EVC: variants seen among roughly 807,000 people sequenced by gnomAD.
EVC encodes the protein EvC ciliary complex subunit 1.
A neutral mutation model predicts 118.9 loss-of-function variants in EVC; 116 were observed. The observed-to-expected ratio is 0.98, with a 90% CI of 0.84 to 1.14. The LOEUF is 1.14. EVC is among the 50% of genes most tolerant of loss of function. The pLI, the probability that EVC is intolerant of heterozygous loss-of-function variation, is 0.00. For synonymous variants in EVC, 619 were observed against 534.7 expected, an observed-to-expected ratio of 1.16 and a Z score of -2.18; for missense variants, 1,401 against 1,246.4, an observed-to-expected ratio of 1.12 and a Z score of -1.87.
chr4:5,727,890 C>T (rs374796756), intron 2 of EVC, among the ~76,000 whole-genome samples: 132 of 141,770 alleles, frequency 9.3e-4, no homozygotes, highest in East Asian at 6.8e-3. Context: ...TGTAGATATG[C>T]GGCATTATTT....
intron 17 of EVC, among the ~76,000 whole-genome samples, chr4:5,805,979 A>G (rs34766809): frequency 0.14 from 21,345 of 147,266 alleles, 1,681 homozygotes; most frequent in African/African-American, 0.17. Flanking sequence ...CTTTATTGTA[A>G]CCATCACCCA....
intron 15 of EVC, among the ~76,000 whole-genome samples, chr4:5,800,265 A>C (rs1714727775): frequency 6.6e-6 from 1 of 152,282 alleles, no homozygotes; most frequent in East Asian, 1.9e-4. Context: ...GACTCACTTG[A>C]ATCTGGGAGG....
At chr4:5,766,859 G>A (rs1264198107) in intron 11 of EVC, among the ~76,000 whole-genome samples, 2 of 151,450 alleles carry the variant, frequency 1.3e-5, no homozygotes, top group South Asian at 2.1e-4. Context: ...ATTTCCTCCT[G>A]TAGCTCAGAG....
At chr4:5,748,009 A>G in intron 7 of EVC, 139 bp from the exon 8 acceptor site, 1 of 972,280 alleles carries the variant, frequency 1.0e-6, no homozygotes, top group Non-Finnish European at 1.6e-6. Flanking sequence ...TGTTGCCAAG[A>G]TAAACTCACT....
rs1451658886 is a variant in EVC at position 5,756,788 on chromosome 4, T to G, written c.1563+426T>G. Among the ~76,000 whole-genome samples the G allele has an allele frequency of 6.6e-6, 1 of 152,080 alleles. No individual in the cohort carries two copies. Among genetic ancestry groups the G allele is most frequent in the East Asian group, 1.9e-4 (1 of 5,168 alleles). ...TCCCCTGTGCAACCGTGTGCAGGTC[T>G]GGGGTGGGGAGGTGAAGCTGGCCAT... On this transcript the variant is annotated intron_variant, in intron 11 of 20. Coordinates refer to ENST00000264956, the MANE Select transcript of EVC (RefSeq NM_153717.3). The surrounding 1 kb of genome is among the most constrained non-coding windows in gnomAD (Gnocchi z 4.2).
chr4:5,805,009 G>A (rs1715640584), intron 17 of EVC, among the ~76,000 whole-genome samples, 168 bp downstream of exon 17: 1 of 152,168 alleles, frequency 6.6e-6, no homozygotes, highest in Non-Finnish European at 1.5e-5. Context: ...CCTCCATGCA[G>A]CACCTGGAGT....
At chr4:5,733,504 C>T in intron 5 of EVC, 69 bp downstream of exon 5, 2 of 1,299,728 alleles carry the variant, frequency 1.5e-6, no homozygotes, top group Non-Finnish European at 2.2e-6. Context: ...ACTCTGTGTG[C>T]AGTGAGTCCC....
chr4:5,808,313 G>C lies in EVC; in HGVS notation c.2674G>C (p.Glu892Gln), dbSNP rs773640948. ...GVMDLLEAQLETQLQEAEQNF... is the reference protein window; with the variant it reads ...GVMDLLEAQLQTQLQEAEQNF... ...CATGGACCTTCTGGAAGCCCAGCTGGAGACCCAGCTACAGGTACAAGTTAC... is the reference window on the plus strand; with the variant it reads ...CATGGACCTTCTGGAAGCCCAGCTGCAGACCCAGCTACAGGTACAAGTTAC... The change falls in exon 18 of 21, where the codon GAG becomes CAG. Residue 892 changes from glutamate to glutamine, a missense_variant. Glu to Gln is a conservative substitution (Grantham distance 29). Coordinates refer to ENST00000264956, the MANE Select transcript of EVC (RefSeq NM_153717.3). The C allele has an allele frequency of 6.2e-7, 1 of 1,614,110 alleles. No individual in the cohort carries two copies. Among genetic ancestry groups the C allele is most frequent in the Admixed American group, 1.7e-5 (1 of 59,996 alleles).
intron 13 of EVC, among the ~76,000 whole-genome samples, chr4:5,794,603 G>A (rs978120365): frequency 2.6e-5 from 4 of 151,354 alleles, no homozygotes; most frequent in African/African-American, 9.7e-5. Context: ...TAGAGATGGG[G>A]TTTCACCATG....
intron 4 of EVC, among the ~76,000 whole-genome samples, chr4:5,732,210 C>G (rs1726936538): frequency 6.6e-6 from 1 of 152,230 alleles, no homozygotes; most frequent in South Asian, 2.1e-4. Flanking sequence ...TGACCCAACC[C>G]AGAGCAGGGC....
the EVC span, among the ~76,000 whole-genome samples, chr4:5,820,303 C>A: frequency 6.7e-6 from 1 of 149,714 alleles, no homozygotes; most frequent in Non-Finnish European, 1.5e-5. Flanking sequence ...ATCACCATCA[C>A]CACCATCATT....
chr4:5,824,542 T>A, the EVC span: 1 of 984,372 alleles, frequency 1.0e-6, no homozygotes, highest in Non-Finnish European at 1.2e-6. Context: ...ATATCGCCTT[T>A]CCTGACCAGG....
chr4:5,781,929 A>T (rs1455197520), intron 11 of EVC, among the ~76,000 whole-genome samples: 1 of 152,166 alleles, frequency 6.6e-6, no homozygotes, highest in Non-Finnish European at 1.5e-5. Flanking sequence ...TGAACATGAT[A>T]TGCAGGGAAA....
chr4:5,786,021 C>T (rs752150261), intron 12 of EVC, among the ~76,000 whole-genome samples: 8 of 152,100 alleles, frequency 5.3e-5, no homozygotes, highest in Non-Finnish European at 8.8e-5. Context: ...TGCAGCCAGG[C>T]CCCTAACCTC....
chr4:5,781,979 T>C (rs977270620), intron 11 of EVC, among the ~76,000 whole-genome samples: 1 of 152,166 alleles, frequency 6.6e-6, no homozygotes, highest in Non-Finnish European at 1.5e-5. Flanking sequence ...ACTGCATTCA[T>C]GGGGATGGCT....
chr4:5,802,669 T>G (rs1468085997), intron 16 of EVC, among the ~76,000 whole-genome samples: 1 of 152,166 alleles, frequency 6.6e-6, no homozygotes, highest in Non-Finnish European at 1.5e-5. Flanking sequence ...ATGCACAACC[T>G]AGATCCCTCG....
chr4:5,747,945 C>CT (rs1180467713), intron 7 of EVC: 1 of 617,470 alleles, frequency 1.6e-6, no homozygotes, highest in East Asian at 3.3e-5. Context: ...GCAAAACTGA[C>CT]TGACACTGGA....
At chr4:5,783,445 C>G in intron 11 of EVC, 107 bp from the exon 12 acceptor site, 1 of 1,058,576 alleles carries the variant, frequency 9.4e-7, no homozygotes, top group Non-Finnish European at 1.5e-6. Context: ...GTCTGTGGAT[C>G]TCCTTGTGTC....
At chr4:5,741,960 G>A (rs1365349503) in intron 6 of EVC, 146 bp downstream of exon 6, 1 of 461,962 alleles carries the variant, frequency 2.2e-6, no homozygotes, top group African/African-American at 2.0e-5. Context: ...AAATATAAAA[G>A]TATGTATACA....
Sources: gnomAD v4.1 joint callset for allele counts (sites outside exome capture counted in the v4.1 genomes callset) on GRCh38, gnomAD v4.1.1 for gene constraint, Gnocchi (gnomAD v3.1) non-coding constraint, MANE v1.5 for transcripts, NCBI Gene and HGNC (gene_info 2026-07-23, HGNC 2026-07-21) for gene names.